The following GRIA3 variants were observed in gnomAD, a reference collection of about 807,000 sequenced individuals.
The protein encoded by GRIA3 is glutamate receptor 3.
In GRIA3, 3 loss-of-function variants were observed where a neutral mutation model predicts 63.0. The ratio of observed to expected loss-of-function variants is 0.05; its 90% CI spans 0.02 to 0.12. The LOEUF (loss-of-function observed/expected upper bound fraction) is 0.12. GRIA3 is among the 10% of genes least tolerant of loss of function. The probability of loss-of-function intolerance (pLI) is 1.00; values close to 1 mark genes in which losing one functional copy is unlikely to be tolerated. For missense variants in GRIA3, 347 were observed against 700.9 expected (o/e 0.50, Z 5.70); for synonymous variants, 274 against 257.9 (o/e 1.06, Z -0.60).
chrX:123,417,296 T>C, intron 10 of GRIA3, 106 bp from the exon 11 acceptor site: 2 of 679,372 alleles, frequency 2.9e-6, no homozygotes, highest in Non-Finnish European at 4.6e-6. Context: ...GTTGTAAAGA[T>C]TTAGGACTTG....
At chrX:123,415,637 G>A (rs1347827203) in intron 10 of GRIA3, among the ~76,000 whole-genome samples, 2 of 111,536 alleles carry the variant, frequency 1.8e-5, no homozygotes, top group Non-Finnish European at 3.8e-5. Flanking sequence ...CTTTTGGGGG[G>A]ATAGATGGGT....
intron 3 of GRIA3, among the ~76,000 whole-genome samples, chrX:123,263,151 C>T (rs1386624292): frequency 8.9e-6 from 1 of 112,237 alleles, no homozygotes; most frequent in Non-Finnish European, 1.9e-5. Flanking sequence ...TGCAGTCAAA[C>T]ACACTGTCTG....
intron 12 of GRIA3, among the ~76,000 whole-genome samples, chrX:123,446,516 T>C (rs778796604): frequency 8.9e-6 from 1 of 112,176 alleles, no homozygotes; most frequent in South Asian, 3.7e-4. Context: ...CAAAGAGAGA[T>C]GACTGTTTAG....
Position 123,483,113 on chromosome X carries a change from T to C in GRIA3, c.*2+67T>C, listed in dbSNP as rs199996346. The C allele has an allele frequency of 1.9e-4, 89 of 471,556 alleles. No individual in the cohort carries two copies. The East Asian group carries it at 5.3e-3, about 28-fold the overall frequency. 38.9% of individuals were successfully genotyped at this position (471,556 alleles called of 1,213,427 possible). On this transcript the variant is annotated intron_variant, in intron 15 of 15. Coordinates refer to ENST00000620443, the MANE Select transcript of GRIA3 (RefSeq NM_007325.5). ...GTATGTCAATCTCTTTTTTTCTTCT[T>C]TTTTTTTTTTTTTAGTTTGGTTTAT... is the stretch of plus-strand genomic sequence containing the variant.
intron 4 of GRIA3, among the ~76,000 whole-genome samples, chrX:123,333,499 G>C (rs1455422976): frequency 3.6e-5 from 4 of 111,620 alleles, no homozygotes; most frequent in Admixed American, 1.9e-4. Flanking sequence ...TCTTTTTTAA[G>C]TATTTGTAAT....
chrX:123,340,884 G>A (rs922408132), intron 4 of GRIA3, among the ~76,000 whole-genome samples: 1 of 111,752 alleles, frequency 8.9e-6, no homozygotes, highest in Non-Finnish European at 1.9e-5. Flanking sequence ...TCCCTGCCAC[G>A]GATGGGTGTT....
intron 4 of GRIA3, among the ~76,000 whole-genome samples, chrX:123,333,072 G>A (rs976091984): frequency 9.0e-6 from 1 of 111,147 alleles, no homozygotes; most frequent in Non-Finnish European, 1.9e-5. Flanking sequence ...CCACCCTAAA[G>A]CAAATCAGGA....
chrX:123,313,950 C>T (rs1016347223), intron 3 of GRIA3, among the ~76,000 whole-genome samples: 4 of 111,072 alleles, frequency 3.6e-5, no homozygotes, highest in Non-Finnish European at 7.5e-5. Flanking sequence ...ATAAATGGGA[C>T]CTGGGAAGAA....
chrX:123,479,976 C>A, intron 13 of GRIA3, 87 bp from the exon 14 acceptor site: 1 of 674,858 alleles, frequency 1.5e-6, no homozygotes. Context: ...CCTGCTTTAT[C>A]GCTTTCTATA....
chrX:123,395,449 G>A (rs1314033039), intron 6 of GRIA3, among the ~76,000 whole-genome samples: 2 of 112,091 alleles, frequency 1.8e-5, no homozygotes, highest in Admixed American at 9.5e-5. Flanking sequence ...GGGGCAGTGG[G>A]AACAGGTAAG....
At chrX:123,377,376 C>T (rs2045293420) in intron 5 of GRIA3, among the ~76,000 whole-genome samples, 1 of 112,235 alleles carries the variant, frequency 8.9e-6, no homozygotes, top group African/African-American at 3.2e-5. Context: ...TTGAATCTAA[C>T]AATTTGTGGT....
rs764691651 is a variant in GRIA3, at chrX:123,402,956, G to A, written c.1081-38G>A. The A allele has an allele frequency of 8.4e-5, 62 of 742,094 alleles. No individual in the cohort carries two copies. Among genetic ancestry groups the A allele is most frequent in the Admixed American group, 5.2e-4 (23 of 44,341 alleles). The allele number at this position is 742,094 out of a possible 1,213,427, so 61.2% of individuals were successfully genotyped here. On this transcript the variant is annotated intron_variant, in intron 7 of 15. Coordinates refer to ENST00000620443, the MANE Select transcript of GRIA3 (RefSeq NM_007325.5). ...CAGAGACTTAGAAGGCAATAATGCC[G>A]TGCTATTTTTAAATTTTAAATTTTC...
intron 12 of GRIA3, among the ~76,000 whole-genome samples, chrX:123,440,431 C>T (rs1603157040): frequency 8.9e-6 from 1 of 112,176 alleles, no homozygotes; most frequent in African/African-American, 3.2e-5. Flanking sequence ...TAAGTGTTCC[C>T]GTTTCTCTGC....
At chrX:123,350,716 A>C (rs1156289983) in intron 4 of GRIA3, among the ~76,000 whole-genome samples, 2 of 112,302 alleles carry the variant, frequency 1.8e-5, no homozygotes, top group Non-Finnish European at 3.8e-5. Context: ...ATGATTCACT[A>C]ACTTCTTTGA....
chrX:123,462,014 C>G (rs1290599401), intron 12 of GRIA3, among the ~76,000 whole-genome samples: 2 of 111,484 alleles, frequency 1.8e-5, no homozygotes, highest in Non-Finnish European at 3.8e-5. Flanking sequence ...CTGAAAATGT[C>G]TACAGGACCA....
chrX:123,430,140 C>T (rs1015335215), intron 12 of GRIA3, among the ~76,000 whole-genome samples: 2 of 112,156 alleles, frequency 1.8e-5, no homozygotes, highest in Non-Finnish European at 3.8e-5. Flanking sequence ...TGATTTGAAT[C>T]AACATTTAAT....
Position 123,271,934 on chromosome X carries a change from A to C in GRIA3, c.508+18392A>C, listed in dbSNP as rs997830099. Among the ~76,000 whole-genome samples the C allele has an allele frequency of 3.6e-5, 4 of 111,688 alleles. No homozygotes were observed. The East Asian group carries it at 8.5e-4, about 24-fold the overall frequency. ...CAAAGAAAGGATGTTACTTTTAAAGATGCTTTAGGGAAAAAGGGTAACTCA... is the reference window on the plus strand; with the variant it reads ...CAAAGAAAGGATGTTACTTTTAAAGCTGCTTTAGGGAAAAAGGGTAACTCA... On this transcript the variant is annotated intron_variant, in intron 3 of 15. Transcript: ENST00000620443.
At chrX:123,289,349 C>G (rs1223431156) in intron 3 of GRIA3, among the ~76,000 whole-genome samples, 2 of 109,359 alleles carry the variant, frequency 1.8e-5, no homozygotes, top group Admixed American at 2.0e-4. Flanking sequence ...AGCAAATCAC[C>G]ATGGCACGTG....
intron 2 of GRIA3, among the ~76,000 whole-genome samples, chrX:123,194,387 G>A (rs1469466993): frequency 1.8e-5 from 2 of 111,764 alleles, no homozygotes; most frequent in African/African-American, 3.3e-5. Context: ...CAATAAATGA[G>A]ATGGGAAGGG....
Sources: allele counts gnomAD v4.1 joint callset (sites outside exome capture counted in the v4.1 genomes callset), GRCh38; gene constraint gnomAD v4.1.1; transcripts MANE v1.5; gene names NCBI Gene and HGNC (gene_info 2026-07-23, HGNC 2026-07-21).